Variants in KLHL29 observed in about 807,000 individuals in gnomAD.
The protein encoded by KLHL29 is kelch like family member 29.
In KLHL29, 21 loss-of-function variants were observed where a neutral mutation model predicts 80.4. The ratio of observed to expected loss-of-function variants is 0.26; its 90% CI spans 0.19 to 0.38. KLHL29 has a LOEUF of 0.38. KLHL29 is among the 10% of genes least tolerant of loss of function. KLHL29 has a pLI of 1.00. For missense variants in KLHL29, 867 were observed against 1,223.9 expected (o/e 0.71, Z 4.35); for synonymous variants, 511 against 526.8 (o/e 0.97, Z 0.41).
At chr2:23,526,363 C>T (rs886301363) in intron 2 of KLHL29, among the ~76,000 whole-genome samples, 9 of 152,206 alleles carry the variant, frequency 5.9e-5, no homozygotes, top group South Asian at 2.1e-4. Flanking sequence ...ACAAATGCTG[C>T]GCTCTTGGCC....
intron 5 of KLHL29, among the ~76,000 whole-genome samples, chr2:23,648,688 G>A (rs952963637): frequency 6.6e-6 from 1 of 152,180 alleles, no homozygotes; most frequent in Non-Finnish European, 1.5e-5. Flanking sequence ...ACACCGCCGG[G>A]GCCAGGTCCT....
chr2:23,447,274 A>G (rs753837680), intron 1 of KLHL29, among the ~76,000 whole-genome samples: 4 of 152,098 alleles, frequency 2.6e-5, no homozygotes, highest in Non-Finnish European at 5.9e-5. Context: ...ATGACGTGTT[A>G]TCTCCCTCAC....
rs1671101238 is a variant in KLHL29, at chr2:23,682,111, T to TC, written c.941-2283dup. 6.6e-6 allele frequency among the ~76,000 whole-genome samples: 1 copy of TC among 151,376 alleles called. No individual in the cohort carries two copies. Among genetic ancestry groups the TC allele is most frequent in the African/African-American group, 2.4e-5 (1 of 41,110 alleles). Reference sequence around the variant, plus strand: ...AAAACCTGTTAGTGGTCTCCATGCCTCCCCCTCCCCACTTCCTTCCTGCAC... The same window carrying TC: ...AAAACCTGTTAGTGGTCTCCATGCCTCCCCCCTCCCCACTTCCTTCCTGCAC... On this transcript the variant is annotated intron_variant, in intron 5 of 13. Coordinates refer to ENST00000486442, the MANE Select transcript of KLHL29 (RefSeq NM_052920.2). The surrounding 1 kb of genome is among the most constrained non-coding windows in gnomAD (Gnocchi z 4.1).
At chr2:23,437,850 C>G (rs56174747) in intron 1 of KLHL29, among the ~76,000 whole-genome samples, 67,688 of 152,020 alleles carry the variant, frequency 0.45, 15,831 homozygotes, top group African/African-American at 0.6. Flanking sequence ...TGTGAAGAAA[C>G]TCATTGGTAG....
chr2:23,562,617 A>G lies in KLHL29; in HGVS notation c.285+136A>G. ...GAGTCCTCCAGAGTCTTGTCCTTCCAGGACCTGGGCCTGGAAACTGTTTGC... is the reference window on the plus strand; with the variant it reads ...GAGTCCTCCAGAGTCTTGTCCTTCCGGGACCTGGGCCTGGAAACTGTTTGC... On this transcript the variant is annotated intron_variant, in intron 3 of 13. Coordinates refer to ENST00000486442, the MANE Select transcript of KLHL29 (RefSeq NM_052920.2). This position sits in a 1 kb window ranked among gnomAD's most constrained non-coding sequence, Gnocchi z 4.5. The G allele has an allele frequency of 2.3e-6, 2 of 855,986 alleles. No homozygotes were observed. The highest frequency in any genetic ancestry group is 3.5e-6 in the Non-Finnish European group (2 of 574,052). The allele number at this position is 855,986 out of a possible 1,614,324, so 53.0% of individuals were successfully genotyped here. A position where few individuals can be genotyped will look rare whatever the true frequency, so the allele number is the denominator to read the frequency against.
intron 3 of KLHL29, among the ~76,000 whole-genome samples, chr2:23,591,049 C>G (rs916035116): frequency 1.1e-4 from 16 of 152,118 alleles, no homozygotes; most frequent in Admixed American, 9.8e-4. Context: ...AGAAATAAAG[C>G]AGGAAAAGAA....
At chr2:23,606,741 G>A (rs1054415347) in intron 3 of KLHL29, among the ~76,000 whole-genome samples, 18 of 152,304 alleles carry the variant, frequency 1.2e-4, no homozygotes, top group Admixed American at 1.0e-3. Context: ...AGGGAGAGCA[G>A]AAGGGAGCTT....
Position 23,569,400 on chromosome 2 carries a change from CTTAAA to C in KLHL29, c.285+6924_285+6928del, listed in dbSNP as rs528601380. On this transcript the variant is annotated intron_variant, in intron 3 of 13. Coordinates refer to ENST00000486442, the MANE Select transcript of KLHL29 (RefSeq NM_052920.2). ...CCAAAAGCCCTCAGAAGGGCCTCTT[CTTAAA>C]TTAAGTTAGGTTTTCTGCAAAGAGC... Among the ~76,000 whole-genome samples, 188 of 152,344 alleles carry C rather than the reference CTTAAA, an allele frequency of 1.2e-3. 1 individual carries two copies. The highest frequency in any genetic ancestry group is 4.2e-3 in the African/African-American group (176 of 41,578).
At chr2:23,449,614 G>A (rs970169310) in intron 1 of KLHL29, among the ~76,000 whole-genome samples, 1 of 152,148 alleles carries the variant, frequency 6.6e-6, no homozygotes, top group Admixed American at 6.5e-5. Flanking sequence ...AGAAATGAAA[G>A]AGGAAGTTGA....
chr2:23,392,092 T>C (rs1030906), intron 1 of KLHL29, among the ~76,000 whole-genome samples: 4,333 of 152,258 alleles, frequency 0.028, 347 homozygotes, highest in East Asian at 0.28. Flanking sequence ...CTATCTAGGG[T>C]GGTTGTGAGG....
At chr2:23,589,058 T>G (rs532302450) in intron 3 of KLHL29, among the ~76,000 whole-genome samples, 1 of 152,386 alleles carries the variant, frequency 6.6e-6, no homozygotes, top group African/African-American at 2.4e-5. Context: ...AGGATGCGTC[T>G]TATTCATTCT....
At chr2:23,579,261 G>A (rs1299538189) in intron 3 of KLHL29, among the ~76,000 whole-genome samples, 8 of 152,184 alleles carry the variant, frequency 5.3e-5, no homozygotes, top group African/African-American at 1.2e-4. Context: ...TGCTCAATGC[G>A]CTAGCTCATA....
intron 3 of KLHL29, among the ~76,000 whole-genome samples, chr2:23,630,377 G>C (rs1669438448): frequency 6.6e-6 from 1 of 152,248 alleles, no homozygotes; most frequent in Non-Finnish European, 1.5e-5. Flanking sequence ...AGGCTGGGGA[G>C]AGGTAGCCTG....
At chr2:23,616,100 C>T (rs1432314370) in intron 3 of KLHL29, among the ~76,000 whole-genome samples, 1 of 152,172 alleles carries the variant, frequency 6.6e-6, no homozygotes, top group Non-Finnish European at 1.5e-5. Flanking sequence ...GACCTCTCTG[C>T]TATTGGCCAC....
At chr2:23,390,607 G>A (rs1390977567) in intron 1 of KLHL29, among the ~76,000 whole-genome samples, 1 of 138,864 alleles carries the variant, frequency 7.2e-6, no homozygotes, top group South Asian at 2.3e-4. Flanking sequence ...CTGTCACTTT[G>A]TTTAAACCAT....
In KLHL29 at chr2:23,661,509, C is replaced by T. The variant is rs1670408157; in HGVS notation, c.940+18659C>T. ...TTCGTCACAGGGCCAGGCCCCTGCC[C>T]TGCTGAGCTGCACCTGGGGCTGGGC... On this transcript the variant is annotated intron_variant, in intron 5 of 13. Coordinates refer to ENST00000486442, the MANE Select transcript of KLHL29 (RefSeq NM_052920.2). 2.0e-5 allele frequency among the ~76,000 whole-genome samples: 3 copies of T among 152,348 alleles called. No homozygotes were observed. In the South Asian group the frequency reaches 6.2e-4, roughly 32 times the overall value.
At chr2:23,587,645 T>C (rs983393684) in intron 3 of KLHL29, among the ~76,000 whole-genome samples, 1 of 152,194 alleles carries the variant, frequency 6.6e-6, no homozygotes, top group Non-Finnish European at 1.5e-5. Flanking sequence ...TATTTGAGAA[T>C]GTTTGCTGGC....
intron 2 of KLHL29, among the ~76,000 whole-genome samples, chr2:23,535,356 C>G (rs1292640303): frequency 6.6e-6 from 1 of 152,242 alleles, no homozygotes; most frequent in Non-Finnish European, 1.5e-5. Flanking sequence ...GAATCAGAGC[C>G]AAGCCTCACA....
chr2:23,674,990 G>A (rs1378375242), intron 5 of KLHL29, among the ~76,000 whole-genome samples: 1 of 152,120 alleles, frequency 6.6e-6, no homozygotes, highest in South Asian at 2.1e-4. Context: ...TCCCCTGGAT[G>A]TTTAATTCCC....
Sources: gnomAD v4.1 joint callset for allele counts (sites outside exome capture counted in the v4.1 genomes callset) on GRCh38, gnomAD v4.1.1 for gene constraint, Gnocchi (gnomAD v3.1) non-coding constraint, MANE v1.5 for transcripts, NCBI Gene and HGNC (gene_info 2026-07-23, HGNC 2026-07-21) for gene names.